The following RBFOX1 variants were observed in gnomAD, a reference collection of about 807,000 sequenced individuals.
RBFOX1 encodes the protein RNA binding fox-1 homolog 1.
A neutral mutation model predicts 57.7 loss-of-function variants in RBFOX1; 8 were observed. The ratio of observed to expected loss-of-function variants is 0.14; its 90% confidence interval spans 0.08 to 0.25. RBFOX1 has a LOEUF of 0.25. Among genes scored for constraint, RBFOX1 ranks in the 10% least tolerant of loss-of-function variants. The probability of loss-of-function intolerance (pLI) is 1.00; values close to 1 mark genes in which losing one functional copy is unlikely to be tolerated. For missense variants in RBFOX1, 611 were observed against 548.5 expected, an observed-to-expected ratio of 1.11 and a Z score of -1.14; for synonymous variants, 326 against 222.4, an observed-to-expected ratio of 1.47 and a Z score of -4.15.
At chr16:7,693,248 A>C in intron 14 of RBFOX1, 1 of 1,400,448 alleles carries the variant, frequency 7.1e-7, no homozygotes, top group Non-Finnish European at 1.0e-6. Flanking sequence ...GTACACATCG[A>C]AGCAATTGGC....
intron 3 of RBFOX1, among the ~76,000 whole-genome samples, chr16:5,759,988 A>G (rs950758192): frequency 3.3e-5 from 5 of 150,258 alleles, no homozygotes; most frequent in Admixed American, 2.0e-4. Context: ...GTAGATGGCT[A>G]TAAATATCCC....
At chr16:7,541,403 T>G (rs911351272) in intron 5 of RBFOX1, among the ~76,000 whole-genome samples, 1 of 152,092 alleles carries the variant, frequency 6.6e-6, no homozygotes, top group Non-Finnish European at 1.5e-5. Context: ...AGGAGATTGC[T>G]CCTTTCTGCT....
chr16:6,344,174 C>G (rs965159701), intron 2 of RBFOX1, among the ~76,000 whole-genome samples: 1 of 152,004 alleles, frequency 6.6e-6, no homozygotes, highest in South Asian at 2.1e-4. Flanking sequence ...ATTCTCATGC[C>G]TCAGTAGCTA....
intron 1 of RBFOX1, among the ~76,000 whole-genome samples, chr16:6,303,221 A>G (rs2079030190): frequency 6.6e-6 from 1 of 152,142 alleles, no homozygotes; most frequent in African/African-American, 2.4e-5. Flanking sequence ...TGATGTCCAC[A>G]TTTCATAGCT....
intron 3 of RBFOX1, among the ~76,000 whole-genome samples, chr16:5,768,837 A>G (rs1370282810): frequency 1.3e-5 from 2 of 152,146 alleles, no homozygotes; most frequent in Admixed American, 6.5e-5. Flanking sequence ...ATGCCCAGAG[A>G]AGATGCTCGA....
chr16:6,919,884 C>A (rs974958802), intron 3 of RBFOX1, among the ~76,000 whole-genome samples: 1 of 150,768 alleles, frequency 6.6e-6, no homozygotes, highest in Non-Finnish European at 1.5e-5. Flanking sequence ...GCACCCATCA[C>A]CTGAGCAGTG....
At chr16:6,341,326 A>G (rs2084541365) in intron 2 of RBFOX1, among the ~76,000 whole-genome samples, 1 of 152,010 alleles carries the variant, frequency 6.6e-6, no homozygotes, top group Non-Finnish European at 1.5e-5. Flanking sequence ...TTCACATCAA[A>G]TCCCTCTGAT....
intron 1 of RBFOX1, among the ~76,000 whole-genome samples, chr16:6,109,188 T>G (rs928131274): frequency 3.3e-5 from 5 of 152,198 alleles, no homozygotes; most frequent in Non-Finnish European, 2.9e-5. Flanking sequence ...TTCTGTGAGC[T>G]CATTGCCCCC....
chr16:7,293,812 A>G (rs765252718), intron 4 of RBFOX1, among the ~76,000 whole-genome samples: 1 of 152,112 alleles, frequency 6.6e-6, no homozygotes, highest in African/African-American at 2.4e-5. Context: ...CTCACCTCCA[A>G]CAATCATCAG....
chr16:7,157,341 T>A (rs1347709836), intron 4 of RBFOX1, among the ~76,000 whole-genome samples: 1 of 152,028 alleles, frequency 6.6e-6, no homozygotes, highest in Non-Finnish European at 1.5e-5. Context: ...ATGTGTAATA[T>A]GAGATACCAT....
chr16:6,323,048 T>C (rs549788426), intron 2 of RBFOX1, among the ~76,000 whole-genome samples: 2 of 152,266 alleles, frequency 1.3e-5, no homozygotes, highest in African/African-American at 4.8e-5. Context: ...CCTCTGCATA[T>C]AAGGGGCAGG....
chr16:6,415,254 A>G (rs1410697454), intron 2 of RBFOX1, among the ~76,000 whole-genome samples: 1 of 151,548 alleles, frequency 6.6e-6, no homozygotes, highest in Admixed American at 6.6e-5. Context: ...AAAAAAAAAA[A>G]AAAAAAAAAA....
At chr16:6,912,533 A>T (rs979448652) in intron 3 of RBFOX1, among the ~76,000 whole-genome samples, 4 of 151,898 alleles carry the variant, frequency 2.6e-5, no homozygotes, top group Non-Finnish European at 5.9e-5. Context: ...AGACCTTCTG[A>T]GATTTAGGTT....
chr16:6,814,573 T>C (rs1489037944), intron 3 of RBFOX1, among the ~76,000 whole-genome samples: 1 of 152,110 alleles, frequency 6.6e-6, no homozygotes, highest in East Asian at 1.9e-4. Flanking sequence ...CTGATGAGCA[T>C]GATAGATGCG....
At chr16:6,721,095 C>G (rs1390035301) in intron 3 of RBFOX1, among the ~76,000 whole-genome samples, 1 of 152,024 alleles carries the variant, frequency 6.6e-6, no homozygotes, top group Admixed American at 6.6e-5. Flanking sequence ...TCAGTGTTTG[C>G]TTTATGTAAC....
chr16:6,567,198 A>G (rs949378929), intron 2 of RBFOX1, among the ~76,000 whole-genome samples: 2 of 152,184 alleles, frequency 1.3e-5, no homozygotes, highest in African/African-American at 2.4e-5. Flanking sequence ...CAGTCAGACT[A>G]TTTTAAATGG....
At chr16:6,400,263 C>T (rs145983012) in intron 2 of RBFOX1, among the ~76,000 whole-genome samples, 25 of 152,102 alleles carry the variant, frequency 1.6e-4, no homozygotes, top group Non-Finnish European at 2.6e-4. Flanking sequence ...TTTCTGGCAA[C>T]AATGGAATAA....
intron 1 of RBFOX1, among the ~76,000 whole-genome samples, chr16:6,139,855 A>G (rs978728160): frequency 1.3e-5 from 2 of 152,192 alleles, no homozygotes; most frequent in African/African-American, 4.8e-5. Flanking sequence ...AGGAGGAAGG[A>G]AGCAGAAAAG....
intron 4 of RBFOX1, among the ~76,000 whole-genome samples, chr16:7,111,940 C>G (rs1010518928): frequency 6.6e-5 from 10 of 152,190 alleles, no homozygotes; most frequent in Non-Finnish European, 1.2e-4. Flanking sequence ...AATTGATAAG[C>G]TGACTTGTCA....
Sources: gnomAD v4.1 joint callset for allele counts (sites outside exome capture counted in the v4.1 genomes callset) on GRCh38, gnomAD v4.1.1 for gene constraint, MANE v1.5 for transcripts, NCBI Gene and HGNC (gene_info 2026-07-23, HGNC 2026-07-21) for gene names.